FLT1: variants seen among roughly 807,000 people sequenced by gnomAD.
The protein encoded by FLT1 is fms related receptor tyrosine kinase 1.
FLT1 carries 49 observed loss-of-function variants against 156.3 expected under a neutral mutation model. The observed-to-expected ratio is 0.31, with a 90% CI of 0.25 to 0.40. The LOEUF is 0.40. FLT1 is among the 10% of genes least tolerant of loss of function. The pLI is 1.00. For missense variants in FLT1, 1,322 were observed against 1,637.2 expected, an observed-to-expected ratio of 0.81 and a Z score of 3.32; for synonymous variants, 594 against 583.8, an observed-to-expected ratio of 1.02 and a Z score of -0.25.
At chr13:28,397,123 C>A in intron 11 of FLT1, 55 bp from the exon 12 acceptor site, 2 of 972,396 alleles carry the variant, frequency 2.1e-6, no homozygotes, top group Non-Finnish European at 3.3e-6. Context: ...TAATTGAACA[C>A]CCCAAGCTAC....
chr13:28,408,270 G>A (rs1233534833), intron 10 of FLT1, among the ~76,000 whole-genome samples: 2 of 152,084 alleles, frequency 1.3e-5, no homozygotes, highest in African/African-American at 4.8e-5. Context: ...AGTTCACTTG[G>A]GGCTGTTGAC....
chr13:28,327,756 C>CCAAAAAAAAAAAAAA (rs1871747441), intron 19 of FLT1, among the ~76,000 whole-genome samples: 1 of 122,794 alleles, frequency 8.1e-6, no homozygotes, highest in African/African-American at 3.1e-5. Flanking sequence ...AATTGAAATA[C>CCAAAAAAAAAAAAAA]AAAAAAAAAA....
chr13:28,303,257 G>A lies in FLT1; in HGVS notation c.3927C>T (p.Tyr1309=), dbSNP rs747352728. Residue 1309 remains tyrosine, a synonymous_variant, in exon 30 of 30, where the codon TAC becomes TAT. Coordinates refer to ENST00000282397, the MANE Select transcript of FLT1 (RefSeq NM_002019.4). ...HVSEGKRRFT[Y]DHAELERKIA... ...TTTTCCTTTCCAGCTCAGCGTGGTCGTAGGTGAACCTGCGCTTGCCTTCGC... is the reference window on the plus strand; with the variant it reads ...TTTTCCTTTCCAGCTCAGCGTGGTCATAGGTGAACCTGCGCTTGCCTTCGC... 5.0e-5 allele frequency: 80 copies of A among 1,613,850 alleles called. No homozygotes were observed. Among genetic ancestry groups the A allele is most frequent in the South Asian group, 2.4e-4 (22 of 91,078 alleles).
chr13:28,354,344 T>C (rs1034595197), intron 15 of FLT1, among the ~76,000 whole-genome samples: 6 of 152,228 alleles, frequency 3.9e-5, no homozygotes, highest in Non-Finnish European at 7.3e-5. Context: ...TGCAAAGTTA[T>C]ATTCTTATAT....
intron 16 of FLT1, among the ~76,000 whole-genome samples, chr13:28,340,214 TAAA>T (rs58243230): frequency 7.4e-6 from 1 of 134,884 alleles, no homozygotes; most frequent in Non-Finnish European, 1.6e-5. Context: ...GACTCTGTCT[TAAA>T]AAAAAAAAAA....
At chr13:28,394,087 T>G (rs1407120006) in intron 12 of FLT1, among the ~76,000 whole-genome samples, 1 of 152,226 alleles carries the variant, frequency 6.6e-6, no homozygotes, top group Non-Finnish European at 1.5e-5. Context: ...TTCATGAGTC[T>G]TTACTCTCAT....
intron 11 of FLT1, among the ~76,000 whole-genome samples, chr13:28,404,055 AAAG>A (rs1187878924): frequency 5.5e-4 from 83 of 150,988 alleles, no homozygotes; most frequent in South Asian, 4.4e-3. Context: ...AAAAAAAAAA[AAAG>A]AAAGAAAGAA....
At position 28,396,952 on chromosome 13, in the gene FLT1, T is replaced by A; in HGVS notation, c.1660+8A>T. The A allele has an allele frequency of 6.6e-7, 1 of 1,507,092 alleles. No homozygotes were observed. The highest frequency in any genetic ancestry group is 9.2e-7 in the Non-Finnish European group (1 of 1,082,360). The allele number at this position is 1,507,092 out of a possible 1,614,324, so 93.4% of individuals were successfully genotyped here. ...AGGCTGTCTCTGGTTATAGGATGTGTGGCTTACCTGTGATATAAAAGCTTA... is the reference window on the plus strand; with the variant it reads ...AGGCTGTCTCTGGTTATAGGATGTGAGGCTTACCTGTGATATAAAAGCTTA... On this transcript the variant is annotated splice_region_variant and intron_variant, in intron 12 of 29. Coordinates refer to ENST00000282397, the MANE Select transcript of FLT1 (RefSeq NM_002019.4).
chr13:28,364,215 T>A (rs1019367962), intron 14 of FLT1, among the ~76,000 whole-genome samples: 4 of 152,182 alleles, frequency 2.6e-5, no homozygotes, highest in Admixed American at 6.5e-5. Context: ...TTATTTTATT[T>A]ATTTACTTAT....
At chr13:28,488,866 A>G (rs1881321889) in intron 1 of FLT1, among the ~76,000 whole-genome samples, 1 of 152,242 alleles carries the variant, frequency 6.6e-6, no homozygotes, top group Non-Finnish European at 1.5e-5. Flanking sequence ...TCATTCAGGT[A>G]TGCATCTCAG....
intron 3 of FLT1, among the ~76,000 whole-genome samples, chr13:28,454,297 C>T (rs569891377): frequency 2.0e-5 from 3 of 152,146 alleles, no homozygotes; most frequent in East Asian, 3.9e-4. Context: ...TCCTAATAGC[C>T]CCTGAAGTAA....
In FLT1 at chr13:28,388,655, C is replaced by A. The variant is rs142062307; in HGVS notation, c.1969+1141G>T. 44 of 1,055,994 alleles carry A rather than the reference C, an allele frequency of 4.2e-5. No individual in the cohort carries two copies. The East Asian group carries it at 2.1e-3, about 50-fold the overall frequency. The allele number at this position is 1,055,994 out of a possible 1,614,324, so 65.4% of individuals were successfully genotyped here. A position where few individuals can be genotyped will look rare whatever the true frequency, so the allele number is the denominator to read the frequency against. On this transcript the variant is annotated intron_variant, in intron 13 of 29. Coordinates refer to ENST00000282397, the MANE Select transcript of FLT1 (RefSeq NM_002019.4). ...GAATTCTGCTTCTGTAGTTTTGCCG[C>A]TTCTTAATCCCCATAAAAATCCTAT...
rs185704060 is a variant in FLT1 at position 28,380,939 on chromosome 13, G to A, written c.2116+3946C>T. Among the ~76,000 whole-genome samples the A allele has an allele frequency of 1.7e-3, 255 of 152,204 alleles. 1 individual carries two copies. The highest frequency in any genetic ancestry group is 5.8e-3 in the African/African-American group (239 of 41,516). ...TTATAAATAGGGGAAAAAGGGCTCC[G>A]AGAGTAAGGAATAATGAGTTGCCCA... On this transcript the variant is annotated intron_variant, in intron 14 of 29. Coordinates refer to ENST00000282397, the MANE Select transcript of FLT1 (RefSeq NM_002019.4).
At chr13:28,491,301 A>G (rs888056178) in intron 1 of FLT1, among the ~76,000 whole-genome samples, 2 of 152,246 alleles carry the variant, frequency 1.3e-5, no homozygotes, top group African/African-American at 2.4e-5. Flanking sequence ...TCAATTTTAA[A>G]TAAGGGGTTT....
intron 22 of FLT1, among the ~76,000 whole-genome samples, chr13:28,321,939 T>C (rs1871478525): frequency 6.6e-6 from 1 of 152,238 alleles, no homozygotes; most frequent in Admixed American, 6.5e-5. Flanking sequence ...ATGGCTATAT[T>C]AATAGTAGCT....
intron 13 of FLT1, chr13:28,387,847 A>G (rs1027095748): frequency 9.5e-7 from 1 of 1,056,232 alleles, no homozygotes; most frequent in East Asian, 5.2e-5. Context: ...GATTAATTAC[A>G]CAGTGAACAA....
intron 20 of FLT1, 133 bp from the exon 21 acceptor site, chr13:28,323,079 C>T (rs1871536029): frequency 1.0e-6 from 1 of 958,596 alleles, no homozygotes; most frequent in Non-Finnish European, 1.7e-6. Flanking sequence ...TGAACTAGCA[C>T]AGGGGCCCTA....
chr13:28,432,595 A>C (rs963740513), intron 6 of FLT1, among the ~76,000 whole-genome samples: 4 of 152,226 alleles, frequency 2.6e-5, no homozygotes, highest in African/African-American at 9.6e-5. Context: ...AAATGAAATC[A>C]AAAATTCATT....
intron 3 of FLT1, among the ~76,000 whole-genome samples, chr13:28,465,762 T>A (rs1172769006): frequency 6.6e-6 from 1 of 152,114 alleles, no homozygotes; most frequent in Non-Finnish European, 1.5e-5. Flanking sequence ...AGTAATCGCT[T>A]GCCCCTGGGA....
Sources: gnomAD v4.1 joint callset for allele counts (sites outside exome capture counted in the v4.1 genomes callset) on GRCh38, gnomAD v4.1.1 for gene constraint, MANE v1.5 for transcripts, NCBI Gene and HGNC (gene_info 2026-07-23, HGNC 2026-07-21) for gene names.